The following PLPP3 variants were observed in gnomAD, a reference collection of about 807,000 sequenced individuals.
PLPP3 encodes PAP2 beta.
PLPP3 carries 6 observed loss-of-function variants against 29.6 expected under a neutral mutation model. That is an observed-to-expected ratio of 0.20 (90% CI 0.11 to 0.40). The LOEUF (loss-of-function observed/expected upper bound fraction) is 0.40, where lower values mean the gene tolerates loss of function less well. PLPP3 is among the 10% of genes least tolerant of loss of function. The probability of loss-of-function intolerance (pLI) is 1.00; values close to 1 mark genes in which losing one functional copy is unlikely to be tolerated. For missense variants in PLPP3, 308 were observed against 407.7 expected (o/e 0.76, Z 2.11); for synonymous variants, 152 against 159.7 (o/e 0.95, Z 0.36).
At chr1:56,546,873 C>T (rs904950571) in intron 1 of PLPP3, among the ~76,000 whole-genome samples, 1 of 152,138 alleles carries the variant, frequency 6.6e-6, no homozygotes, top group African/African-American at 2.4e-5. Context: ...CTATGTGATA[C>T]TAAATGGGAA....
intron 1 of PLPP3, among the ~76,000 whole-genome samples, chr1:56,557,027 A>G (rs1646085414): frequency 8.1e-5 from 1 of 12,372 alleles, no homozygotes; most frequent in Non-Finnish European, 2.2e-4. Flanking sequence ...AGAGAGAGAA[A>G]GAGAGAGAGA....
At chr1:56,534,774 C>T (rs969827152) in intron 2 of PLPP3, among the ~76,000 whole-genome samples, 1 of 152,132 alleles carries the variant, frequency 6.6e-6, no homozygotes, top group Non-Finnish European at 1.5e-5. Context: ...TCTGTGAGTA[C>T]CCTTGATAGT....
chr1:56,576,753 C>A (rs1320277910), intron 1 of PLPP3, among the ~76,000 whole-genome samples: 1 of 152,012 alleles, frequency 6.6e-6, no homozygotes, highest in African/African-American at 2.4e-5. Context: ...AGAATATTAG[C>A]TTTGGGGGGA....
intron 2 of PLPP3, among the ~76,000 whole-genome samples, chr1:56,535,402 T>C (rs1645920047): frequency 6.6e-6 from 1 of 152,212 alleles, no homozygotes; most frequent in African/African-American, 2.4e-5. Context: ...TCTTGGCTTG[T>C]GTTTCTCCGG....
intron 4 of PLPP3, among the ~76,000 whole-genome samples, chr1:56,522,856 C>T (rs564669621): frequency 1.3e-5 from 2 of 152,298 alleles, no homozygotes; most frequent in South Asian, 4.1e-4. Context: ...CAGGAAGTGC[C>T]TTGGCACACA....
intron 1 of PLPP3, among the ~76,000 whole-genome samples, chr1:56,552,473 T>C (rs1646046574): frequency 3.3e-5 from 5 of 152,238 alleles, no homozygotes; most frequent in Admixed American, 2.6e-4. Flanking sequence ...CATATGCATA[T>C]ACCAAGTCAA....
intron 5 of PLPP3, among the ~76,000 whole-genome samples, chr1:56,504,233 A>C (rs1379763596): frequency 6.6e-6 from 1 of 152,186 alleles, no homozygotes. Flanking sequence ...AGGAAGTTGA[A>C]GTGGGAGGAC....
intron 2 of PLPP3, among the ~76,000 whole-genome samples, chr1:56,532,847 A>G (rs145620829): frequency 1.3e-5 from 2 of 152,194 alleles, no homozygotes; most frequent in East Asian, 3.9e-4. Flanking sequence ...CAGGGTAGCC[A>G]AGAAATATAC....
chr1:56,523,281 C>T lies in PLPP3; in HGVS notation c.633+542G>A, dbSNP rs1222339512. Among the ~76,000 whole-genome samples, 8 of 152,110 alleles carry T rather than the reference C, an allele frequency of 5.3e-5. No homozygotes were observed. In the South Asian group the frequency reaches 1.0e-3, roughly 20 times the overall value. On this transcript the variant is annotated intron_variant, in intron 4 of 5. Coordinates refer to ENST00000371250, the MANE Select transcript of PLPP3 (RefSeq NM_003713.5). ...GAATATAGAGGACTGACATGGTGAA[C>T]GTTGCAAAAAAATTTATCAGAAGGC...
At chr1:56,531,552 G>A (rs1645888614) in intron 2 of PLPP3, among the ~76,000 whole-genome samples, 1 of 152,188 alleles carries the variant, frequency 6.6e-6, no homozygotes, top group African/African-American at 2.4e-5. Flanking sequence ...GCAGTCATCT[G>A]CCCAGTGGTC....
intron 5 of PLPP3, among the ~76,000 whole-genome samples, chr1:56,507,442 C>A (rs1645711023): frequency 6.6e-6 from 1 of 152,116 alleles, no homozygotes; most frequent in South Asian, 2.1e-4. Context: ...GTACTACATA[C>A]CGAGAATAAA....
rs137956509 is a variant in PLPP3, at chr1:56,536,037, T to G, written c.297+918A>C. Among the ~76,000 whole-genome samples the G allele has an allele frequency of 4.6e-5, 7 of 152,294 alleles. No homozygotes were observed. The East Asian group carries it at 1.4e-3, about 29-fold the overall frequency. ...TGCCCTGTGTCTGGGAGCAGCCCAC[T>G]AGGCAAGCTGGGAATAATGCCACAG... is the stretch of plus-strand genomic sequence containing the variant. On this transcript the variant is annotated intron_variant, in intron 2 of 5. Coordinates refer to ENST00000371250, the MANE Select transcript of PLPP3 (RefSeq NM_003713.5).
chr1:56,504,706 T>C (rs1645691509), intron 5 of PLPP3, among the ~76,000 whole-genome samples: 1 of 152,208 alleles, frequency 6.6e-6, no homozygotes, highest in Non-Finnish European at 1.5e-5. Flanking sequence ...CCTTATCTTT[T>C]GTATCTTACA....
intron 1 of PLPP3, chr1:56,538,535 C>A: frequency 2.5e-6 from 1 of 402,770 alleles, no homozygotes; most frequent in Non-Finnish European, 4.8e-6. Context: ...TTTATTTGGC[C>A]ACGTATATGA....
At chr1:56,553,790 A>G (rs1569589116) in intron 1 of PLPP3, among the ~76,000 whole-genome samples, 1 of 152,328 alleles carries the variant, frequency 6.6e-6, no homozygotes, top group East Asian at 1.9e-4. Context: ...TTGGAGTCAG[A>G]TACACTTGGG....
chr1:56,496,831 G>A (rs1448722015), intron 5 of PLPP3, among the ~76,000 whole-genome samples, 155 bp from the exon 6 acceptor site: 1 of 152,062 alleles, frequency 6.6e-6, no homozygotes, highest in African/African-American at 2.4e-5. Context: ...ATATCATCAA[G>A]GTTTATTGTA....
intron 4 of PLPP3, among the ~76,000 whole-genome samples, chr1:56,522,483 T>C (rs2100247365): frequency 6.6e-6 from 1 of 152,250 alleles, no homozygotes; most frequent in South Asian, 2.1e-4. Flanking sequence ...TAAATATCTT[T>C]GCTAAATTTT....
intron 2 of PLPP3, among the ~76,000 whole-genome samples, chr1:56,535,940 GA>G (rs1392111984): frequency 6.6e-6 from 1 of 152,168 alleles, no homozygotes; most frequent in African/African-American, 2.4e-5. Flanking sequence ...TGAGGAAACT[GA>G]AGGTTAAAGA....
At chr1:56,537,224 G>C (rs1310334360) in intron 1 of PLPP3, 112 bp from the exon 2 acceptor site, 7 of 1,165,050 alleles carry the variant, frequency 6.0e-6, no homozygotes, top group South Asian at 1.6e-5. Context: ...ATATCACTGA[G>C]AGTGATAATC....
Sources: gnomAD v4.1 joint callset for allele counts (sites outside exome capture counted in the v4.1 genomes callset) on GRCh38, gnomAD v4.1.1 for gene constraint, MANE v1.5 for transcripts, NCBI Gene and HGNC (gene_info 2026-07-23, HGNC 2026-07-21) for gene names.